The following ODAD2 variants were observed in gnomAD, a reference collection of about 807,000 sequenced individuals.
ODAD2 encodes outer dynein arm-docking complex subunit 2.
A neutral mutation model predicts 106.8 loss-of-function variants in ODAD2; 89 were observed. The ratio of observed to expected loss-of-function variants is 0.83; its 90% CI spans 0.70 to 0.99. The LOEUF is 0.99. Ranked by LOEUF, ODAD2 falls within the 50% of genes least tolerant of loss-of-function variation. ODAD2 has a pLI of 0.00. For synonymous variants in ODAD2, 404 were observed against 436.2 expected (o/e 0.93, Z 0.92); for missense variants, 1,168 against 1,238.5 (o/e 0.94, Z 0.85).
intron 16 of ODAD2, among the ~76,000 whole-genome samples, chr10:27,919,677 G>A (rs1392664097): frequency 6.6e-6 from 1 of 152,126 alleles, no homozygotes; most frequent in Non-Finnish European, 1.5e-5. Context: ...GGCACTGGTA[G>A]GAGTGTAAAA....
At chr10:27,841,320 C>T (rs1838289560) in intron 19 of ODAD2, among the ~76,000 whole-genome samples, 1 of 152,150 alleles carries the variant, frequency 6.6e-6, no homozygotes, top group African/African-American at 2.4e-5. Context: ...AACTAAGCCA[C>T]CATTTCTCAT....
At chr10:27,847,904 G>A (rs1838904474) in intron 19 of ODAD2, among the ~76,000 whole-genome samples, 1 of 152,152 alleles carries the variant, frequency 6.6e-6, no homozygotes, top group Non-Finnish European at 1.5e-5. Context: ...ACAAACCACT[G>A]CTCAACAAAA....
intron 17 of ODAD2, among the ~76,000 whole-genome samples, chr10:27,865,576 T>C (rs2133373607): frequency 6.6e-6 from 1 of 152,344 alleles, no homozygotes; most frequent in Admixed American, 6.5e-5. Flanking sequence ...CACATAGTTG[T>C]GGTTTCTTTG....
At chr10:27,922,009 C>G (rs1239611663) in intron 16 of ODAD2, among the ~76,000 whole-genome samples, 2 of 150,786 alleles carry the variant, frequency 1.3e-5, no homozygotes, top group Admixed American at 1.3e-4. Flanking sequence ...TCTACAAAAA[C>G]TACAAAAATT....
At chr10:27,914,368 T>C (rs1001578939) in intron 16 of ODAD2, among the ~76,000 whole-genome samples, 1 of 152,148 alleles carries the variant, frequency 6.6e-6, no homozygotes, top group Non-Finnish European at 1.5e-5. Flanking sequence ...TATGTCTCCC[T>C]GAGAAAGTTC....
At chr10:27,815,404 G>C (rs1018941439) in intron 19 of ODAD2, among the ~76,000 whole-genome samples, 4 of 152,068 alleles carry the variant, frequency 2.6e-5, no homozygotes, top group African/African-American at 9.7e-5. Flanking sequence ...GAGTTGTCTG[G>C]AATTCCTATC....
intron 17 of ODAD2, among the ~76,000 whole-genome samples, chr10:27,876,211 A>G (rs1841328357): frequency 6.6e-6 from 1 of 152,146 alleles, no homozygotes; most frequent in Admixed American, 6.6e-5. Flanking sequence ...TTCTCCCAGC[A>G]CAGAGTTTGA....
intron 16 of ODAD2, among the ~76,000 whole-genome samples, chr10:27,926,099 A>G (rs1370997777): frequency 6.6e-6 from 1 of 151,824 alleles, no homozygotes. Context: ...TTTAGTCTTT[A>G]GTCTTTGTGG....
chr10:27,989,937 A>G (rs998408731), intron 2 of ODAD2, among the ~76,000 whole-genome samples: 13 of 152,196 alleles, frequency 8.5e-5, no homozygotes, highest in African/African-American at 3.1e-4. Flanking sequence ...TCAGGCTCAC[A>G]GTTTCTAACA....
chr10:27,814,154 A>G (rs1265547672), intron 19 of ODAD2, among the ~76,000 whole-genome samples: 1 of 152,102 alleles, frequency 6.6e-6, no homozygotes, highest in Non-Finnish European at 1.5e-5. Flanking sequence ...AAATGGGGGA[A>G]AAAAGGGAAA....
At chr10:27,928,967 T>C (rs1845436835) in intron 16 of ODAD2, among the ~76,000 whole-genome samples, 1 of 152,140 alleles carries the variant, frequency 6.6e-6, no homozygotes, top group South Asian at 2.1e-4. Context: ...GAAAAATAGT[T>C]GGTGAATGAT....
intron 19 of ODAD2, among the ~76,000 whole-genome samples, chr10:27,828,755 G>GT (rs1837258443): frequency 2.0e-5 from 3 of 152,086 alleles, no homozygotes; most frequent in Non-Finnish European, 4.4e-5. Flanking sequence ...TCTAGGAAAT[G>GT]CTAAGAATTT....
At chr10:27,861,159 T>G (rs1448311078) in intron 18 of ODAD2, among the ~76,000 whole-genome samples, 1 of 152,118 alleles carries the variant, frequency 6.6e-6, no homozygotes, top group African/African-American at 2.4e-5. Context: ...ACCTGGCTAA[T>G]TTTTGTATTT....
intron 19 of ODAD2, among the ~76,000 whole-genome samples, chr10:27,817,798 A>G (rs953492731): frequency 6.6e-6 from 1 of 152,160 alleles, no homozygotes; most frequent in Admixed American, 6.5e-5. Context: ...CAATACACAT[A>G]CAAGTGCAGG....
chr10:27,958,533 G>C (rs1847888715), intron 10 of ODAD2, among the ~76,000 whole-genome samples: 1 of 152,140 alleles, frequency 6.6e-6, no homozygotes, highest in Non-Finnish European at 1.5e-5. Flanking sequence ...AAGACGTTGA[G>C]AGACTTTCCC....
intron 16 of ODAD2, among the ~76,000 whole-genome samples, chr10:27,923,082 TAACAAAG>T (rs1453948105): frequency 1.3e-5 from 2 of 151,946 alleles, no homozygotes; most frequent in Non-Finnish European, 2.9e-5. Flanking sequence ...GAGCAAGCAA[TAACAAAG>T]AACAAAGACT....
Position 27,860,692 on chromosome 10 carries a change from T to C in ODAD2, c.2954A>G (p.Gln985Arg). Residue 985 changes from glutamine to arginine, a missense_variant, in exon 19 of 20, where the codon CAG (glutamine) becomes CGG (arginine). Coordinates refer to ENST00000305242, the MANE Select transcript of ODAD2 (RefSeq NM_018076.5). ...GTCTTCTGAGAGTTGGTACAAGGCC[T>C]GAGCTGTCGCCCGATGCACGTTGGT... is the stretch of plus-strand genomic sequence containing the variant. ...NDTNVHRATA[Q>R]ALYQLSEDAD... 1 of 1,614,208 alleles carries C rather than the reference T, an allele frequency of 6.2e-7. No homozygotes were observed. Among genetic ancestry groups the C allele is most frequent in the Non-Finnish European group, 8.5e-7 (1 of 1,180,026 alleles).
At chr10:27,931,163 G>A (rs1018578781) in intron 16 of ODAD2, among the ~76,000 whole-genome samples, 4 of 152,092 alleles carry the variant, frequency 2.6e-5, no homozygotes, top group Admixed American at 1.3e-4. Flanking sequence ...ACTATGCTTC[G>A]AATGACCATG....
intron 14 of ODAD2, among the ~76,000 whole-genome samples, chr10:27,938,495 C>T (rs1590075237): frequency 1.3e-5 from 2 of 152,228 alleles, no homozygotes; most frequent in African/African-American, 2.4e-5. Context: ...AAATAAATTT[C>T]GGCTGTTCAA....
Sources: gnomAD v4.1 joint callset for allele counts (sites outside exome capture counted in the v4.1 genomes callset) on GRCh38, gnomAD v4.1.1 for gene constraint, MANE v1.5 for transcripts, NCBI Gene and HGNC (gene_info 2026-07-23, HGNC 2026-07-21) for gene names.